AGMO: variants seen among roughly 807,000 people sequenced by gnomAD.
AGMO encodes the protein alkylglycerol monooxygenase.
In AGMO, 75 loss-of-function variants were observed where a neutral mutation model predicts 60.2. That is an observed-to-expected ratio of 1.25 (90% CI 1.03 to 1.51). AGMO has a LOEUF of 1.51. Ranked by LOEUF, AGMO falls within the 40% of genes most tolerant of loss-of-function variation. The probability of loss-of-function intolerance (pLI) is 0.00; values close to 1 mark genes in which losing one functional copy is unlikely to be tolerated. For synonymous variants in AGMO, 261 were observed against 177.1 expected, an observed-to-expected ratio of 1.47 and a Z score of -3.76; for missense variants, 763 against 525.5, an observed-to-expected ratio of 1.45 and a Z score of -4.42.
intron 12 of AGMO, among the ~76,000 whole-genome samples, chr7:15,233,249 G>C (rs908322230): frequency 1.3e-5 from 2 of 152,158 alleles, no homozygotes; most frequent in African/African-American, 2.4e-5. Flanking sequence ...TGAAAAGCAT[G>C]TTAAAATCTG....
At chr7:15,305,114 C>T (rs1024740345) in intron 12 of AGMO, among the ~76,000 whole-genome samples, 2 of 151,490 alleles carry the variant, frequency 1.3e-5, no homozygotes, top group East Asian at 1.9e-4. Context: ...GTGGTAGCAC[C>T]TATCTTAGGT....
chr7:15,531,728 G>T (rs532662397), intron 3 of AGMO, among the ~76,000 whole-genome samples: 4 of 147,834 alleles, frequency 2.7e-5, no homozygotes, highest in Non-Finnish European at 5.9e-5. Context: ...TAGGCTCATC[G>T]CACCCTCTGG....
the AGMO span, among the ~76,000 whole-genome samples, chr7:15,163,130 T>G: frequency 6.6e-6 from 1 of 152,244 alleles, no homozygotes; most frequent in Non-Finnish European, 1.5e-5. Flanking sequence ...GCTTGAAGGT[T>G]ATTGGTGTAC....
chr7:15,496,772 A>G (rs1245919372), intron 3 of AGMO, among the ~76,000 whole-genome samples: 1 of 152,164 alleles, frequency 6.6e-6, no homozygotes, highest in Admixed American at 6.5e-5. Context: ...TCTTACTTCA[A>G]TTGGTCAGAA....
the AGMO span, among the ~76,000 whole-genome samples, chr7:15,155,253 C>T: frequency 1.3e-5 from 2 of 151,996 alleles, no homozygotes; most frequent in Non-Finnish European, 2.9e-5. Context: ...CAGCTTTGGT[C>T]TCTTTACATA....
intron 12 of AGMO, among the ~76,000 whole-genome samples, chr7:15,217,474 T>C (rs1781775558): frequency 6.6e-6 from 1 of 151,952 alleles, no homozygotes; most frequent in African/African-American, 2.4e-5. Context: ...ATATAAAAAG[T>C]AATGAAGAAG....
the AGMO span, among the ~76,000 whole-genome samples, chr7:15,194,428 GAAT>G: frequency 6.6e-6 from 1 of 152,082 alleles, no homozygotes; most frequent in African/African-American, 2.4e-5. Flanking sequence ...CTTTTAATCT[GAAT>G]AATGATGCAT....
intron 3 of AGMO, among the ~76,000 whole-genome samples, chr7:15,435,946 G>T (rs1380705566): frequency 6.6e-6 from 1 of 152,116 alleles, no homozygotes; most frequent in East Asian, 1.9e-4. Flanking sequence ...ATAAAGACAA[G>T]TCTACAAGAA....
chr7:15,324,334 G>T (rs887274467), intron 12 of AGMO, among the ~76,000 whole-genome samples: 2 of 152,120 alleles, frequency 1.3e-5, no homozygotes, highest in African/African-American at 4.8e-5. Context: ...TCCCAATCCT[G>T]TAAGTTCCAG....
rs58741316 is a variant in AGMO at position 15,387,551 on chromosome 7, TA to T, written c.823-12del. ...AAATAAGTGATGGAACTAGAAACAA[TA>T]AAAAAAGAGCTTATTTCACATAAGA... On this transcript the variant is annotated splice_polypyrimidine_tract_variant and intron_variant, in intron 8 of 12. Transcript: ENST00000342526. 3.8e-6 allele frequency: 6 copies of T among 1,586,240 alleles called. No individual in the cohort carries two copies. Among genetic ancestry groups the T allele is most frequent in the Middle Eastern group, 1.8e-4 (1 of 5,648 alleles).
chr7:15,262,238 C>G (rs534078181), intron 12 of AGMO, among the ~76,000 whole-genome samples: 1 of 152,120 alleles, frequency 6.6e-6, no homozygotes, highest in East Asian at 1.9e-4. Flanking sequence ...GCCCTAAAGA[C>G]TCATCCAAAA....
At chr7:15,167,216 G>C in the AGMO span, among the ~76,000 whole-genome samples, 1 of 152,110 alleles carries the variant, frequency 6.6e-6, no homozygotes, top group South Asian at 2.1e-4. Context: ...ATTCTGTGGA[G>C]AGTTTGAAAA....
chr7:15,180,961 G>C, the AGMO span, among the ~76,000 whole-genome samples: 2 of 152,082 alleles, frequency 1.3e-5, no homozygotes, highest in African/African-American at 4.8e-5. Context: ...GGGATACATA[G>C]ATAAAACTGG....
chr7:15,561,740 CCT>C lies in AGMO; in HGVS notation c.104_105del (p.Glu35GlyfsTer3), dbSNP rs1391795434. 2 of 1,608,634 alleles carry C rather than the reference CCT, an allele frequency of 1.2e-6. No homozygotes were observed. The highest frequency in any genetic ancestry group is 1.7e-6 in the Non-Finnish European group (2 of 1,176,878). ...CTCACCTTTTTTACATAATCAGGCA[CCT>C]CTTCTAATGTTTGGAATGAAGTTTC... ...PSETSFQTLEEVPDYVKKATP... is the reference protein window; with the variant it reads ...PSETSFQTLEXVPDYVKKATP... On this transcript the variant is annotated frameshift_variant, in exon 1 of 13. Coordinates refer to ENST00000342526, the MANE Select transcript of AGMO (RefSeq NM_001004320.2). LOFTEE classifies it high-confidence loss of function.
chr7:15,312,722 G>A (rs1183068639), intron 12 of AGMO, among the ~76,000 whole-genome samples: 1 of 147,132 alleles, frequency 6.8e-6, no homozygotes, highest in Non-Finnish European at 1.5e-5. Context: ...TTGCTCTGTC[G>A]CCCAGGCTGG....
At chr7:15,176,222 CAAA>C in the AGMO span, among the ~76,000 whole-genome samples, 50 of 151,898 alleles carry the variant, frequency 3.3e-4, no homozygotes, top group African/African-American at 1.1e-3. Flanking sequence ...ATTGCAGCAT[CAAA>C]AAAGTTTTTT....
At chr7:15,144,289 T>A in the AGMO span, among the ~76,000 whole-genome samples, 2 of 152,134 alleles carry the variant, frequency 1.3e-5, no homozygotes, top group African/African-American at 4.8e-5. Flanking sequence ...AATGCACAGG[T>A]CTGACTTTTT....
At chr7:15,426,390 G>A (rs1327307290) in intron 4 of AGMO, among the ~76,000 whole-genome samples, 2 of 152,040 alleles carry the variant, frequency 1.3e-5, no homozygotes, top group African/African-American at 2.4e-5. Flanking sequence ...AATGAAAAGC[G>A]TTAACTACTA....
At chr7:15,207,960 GAAAT>G (rs1177297436) in intron 12 of AGMO, among the ~76,000 whole-genome samples, 3 of 152,038 alleles carry the variant, frequency 2.0e-5, no homozygotes, top group Admixed American at 6.6e-5. Context: ...ATAAAATAAG[GAAAT>G]AAATAAAGTG....
Sources: allele counts gnomAD v4.1 joint callset (sites outside exome capture counted in the v4.1 genomes callset), GRCh38; gene constraint gnomAD v4.1.1; transcripts MANE v1.5; gene names NCBI Gene and HGNC (gene_info 2026-07-23, HGNC 2026-07-21).